Variants in NBEA observed in about 807,000 individuals in gnomAD.
NBEA encodes the protein lysosomal-trafficking regulator 2.
In NBEA, 44 loss-of-function variants were observed where a neutral mutation model predicts 343.4. That is an observed-to-expected ratio of 0.13 (90% CI 0.10 to 0.16). The LOEUF (loss-of-function observed/expected upper bound fraction) is 0.16, where lower values mean the gene tolerates loss of function less well. Among genes scored for constraint, NBEA ranks in the 10% least tolerant of loss-of-function variants. The pLI is 1.00. For missense variants in NBEA, 2,555 were observed against 3,631.3 expected (o/e 0.70, Z 7.62); for synonymous variants, 1,175 against 1,238.7 (o/e 0.95, Z 1.08).
chr13:35,455,189 A>G (rs17815952), intron 40 of NBEA, among the ~76,000 whole-genome samples: 4,545 of 152,206 alleles, frequency 0.03, 106 homozygotes, highest in Non-Finnish European at 0.045. Context: ...TTAGCATACT[A>G]CATTTTCCTG....
chr13:35,586,794 A>G (rs1350368092), intron 46 of NBEA, among the ~76,000 whole-genome samples: 1 of 152,182 alleles, frequency 6.6e-6, no homozygotes, highest in Non-Finnish European at 1.5e-5. Context: ...TTCCAGAAGT[A>G]GGAAAATACT....
chr13:35,080,937 G>A (rs1485670554), intron 10 of NBEA, among the ~76,000 whole-genome samples: 1 of 152,112 alleles, frequency 6.6e-6, no homozygotes, highest in South Asian at 2.1e-4. Flanking sequence ...GCAACTCTTG[G>A]TGGAGCTTTA....
At chr13:35,154,109 G>A (rs1045064085) in intron 18 of NBEA, among the ~76,000 whole-genome samples, 1 of 152,070 alleles carries the variant, frequency 6.6e-6, no homozygotes, top group African/African-American at 2.4e-5. Context: ...GGGAACGGGG[G>A]TAATTAAATG....
intron 30 of NBEA, among the ~76,000 whole-genome samples, chr13:35,190,179 G>T (rs1476521066): frequency 6.6e-6 from 1 of 152,158 alleles, no homozygotes; most frequent in Non-Finnish European, 1.5e-5. Context: ...CTTGTTTAGT[G>T]AGAAAAGCCT....
chr13:35,633,111 T>TCC (rs1403167589), intron 49 of NBEA, among the ~76,000 whole-genome samples: 1 of 151,608 alleles, frequency 6.6e-6, no homozygotes, highest in African/African-American at 2.4e-5. Context: ...ATTTTTTGTT[T>TCC]GTTTGTTTTG....
chr13:35,159,596 G>T lies in NBEA; in HGVS notation c.3425G>T (p.Ser1142Ile). 1 of 1,611,820 alleles carries T rather than the reference G, an allele frequency of 6.2e-7. No homozygotes were observed. The highest frequency in any genetic ancestry group is 8.5e-7 in the Non-Finnish European group (1 of 1,179,080). ...LADEKEDLPNSSTSFLFDKIP... is the reference protein window; with the variant it reads ...LADEKEDLPNISTSFLFDKIP... ...GATGAGAAAGAAGACCTTCCCAATA[G>T]TAGTACATCATTTCTCTTTGATAAA... The change falls in exon 22 of 59, where the codon AGT becomes ATT. Residue 1142 changes from serine (S) to isoleucine (I), a missense_variant. Coordinates refer to ENST00000379939, the MANE Select transcript of NBEA (RefSeq NM_001385012.1).
intron 30 of NBEA, among the ~76,000 whole-genome samples, chr13:35,189,262 G>A (rs1371171605): frequency 6.6e-6 from 1 of 151,980 alleles, no homozygotes; most frequent in African/African-American, 2.4e-5. Flanking sequence ...ATATTTCTTT[G>A]CAGTTTTAAT....
intron 13 of NBEA, among the ~76,000 whole-genome samples, chr13:35,112,747 C>G (rs1226833801): frequency 6.6e-6 from 1 of 152,086 alleles, no homozygotes; most frequent in Admixed American, 6.5e-5. Flanking sequence ...CTCTCATGCT[C>G]TCTTTTTATG....
At chr13:35,169,946 A>G (rs2070336239) in intron 25 of NBEA, among the ~76,000 whole-genome samples, 2 of 151,802 alleles carry the variant, frequency 1.3e-5, no homozygotes, top group Non-Finnish European at 3.0e-5. Context: ...TGTTGTAACA[A>G]CTGAAAACAC....
chr13:35,476,557 G>A, intron 41 of NBEA: 1 of 580,678 alleles, frequency 1.7e-6, no homozygotes, highest in Admixed American at 3.0e-5. Flanking sequence ...ACCCCTTTCC[G>A]TATTTATTTG....
chr13:35,525,056 T>C (rs1202594220), intron 41 of NBEA, among the ~76,000 whole-genome samples: 2 of 152,208 alleles, frequency 1.3e-5, no homozygotes, highest in Non-Finnish European at 2.9e-5. Context: ...TTAAATGTCC[T>C]ACCATTTTTC....
chr13:35,041,199 A>G (rs2062634532), intron 2 of NBEA, 35 bp downstream of exon 2: 1 of 1,519,074 alleles, frequency 6.6e-7, no homozygotes, highest in Non-Finnish European at 9.1e-7. Context: ...TATAACTTAA[A>G]TGTTTATAAA....
chr13:35,005,210 G>A (rs1261119624), intron 1 of NBEA, among the ~76,000 whole-genome samples: 3 of 141,816 alleles, frequency 2.1e-5, no homozygotes, highest in African/African-American at 7.5e-5. Context: ...GTTTGGCACA[G>A]GGCAGATTTT....
At chr13:35,242,645 A>G (rs1291693385) in intron 34 of NBEA, among the ~76,000 whole-genome samples, 4 of 151,906 alleles carry the variant, frequency 2.6e-5, no homozygotes, top group African/African-American at 9.7e-5. Context: ...GAAGCAAGAG[A>G]AAATTGTACA....
chr13:35,068,705 C>A (rs545158274), intron 8 of NBEA, among the ~76,000 whole-genome samples: 1 of 152,288 alleles, frequency 6.6e-6, no homozygotes, highest in Admixed American at 6.5e-5. Context: ...TCTCTACACG[C>A]TAGTCCAGAA....
intron 38 of NBEA, among the ~76,000 whole-genome samples, chr13:35,414,358 C>T (rs1311434295): frequency 1.3e-5 from 2 of 152,024 alleles, no homozygotes; most frequent in Non-Finnish European, 2.9e-5. Flanking sequence ...TTAGGTATAT[C>T]TCCTAATGCT....
intron 10 of NBEA, among the ~76,000 whole-genome samples, chr13:35,082,319 G>A (rs901537615): frequency 3.9e-5 from 6 of 152,074 alleles, no homozygotes; most frequent in Admixed American, 6.6e-5. Context: ...GTCTATCATT[G>A]TTGGACATTT....
intron 13 of NBEA, among the ~76,000 whole-genome samples, chr13:35,111,468 A>G (rs2152660049): frequency 6.6e-6 from 1 of 152,120 alleles, no homozygotes; most frequent in African/African-American, 2.4e-5. Flanking sequence ...ACAGAAGAAA[A>G]AATATATTTA....
intron 10 of NBEA, among the ~76,000 whole-genome samples, chr13:35,089,839 T>C (rs1299507741): frequency 1.4e-5 from 2 of 147,194 alleles, no homozygotes; most frequent in African/African-American, 2.5e-5. Flanking sequence ...ATATTCTCAC[T>C]CATAGGTGGG....
Sources: allele counts gnomAD v4.1 joint callset (sites outside exome capture counted in the v4.1 genomes callset), GRCh38; gene constraint gnomAD v4.1.1; transcripts MANE v1.5; gene names NCBI Gene and HGNC (gene_info 2026-07-23, HGNC 2026-07-21).